Variants in KLRG1 observed in about 807,000 individuals in gnomAD.
KLRG1 encodes killer cell lectin like receptor G1.
KLRG1 carries 16 observed loss-of-function variants against 21.8 expected under a neutral mutation model. The ratio of observed to expected loss-of-function variants is 0.73; its 90% CI spans 0.50 to 1.11. The LOEUF (loss-of-function observed/expected upper bound fraction) is 1.11, where lower values mean the gene tolerates loss of function less well. Among genes scored for constraint, KLRG1 ranks in the 50% most tolerant of loss-of-function variants. The pLI, the probability that KLRG1 is intolerant of heterozygous loss-of-function variation, is 0.00. For missense variants in KLRG1, 173 were observed against 218.3 expected, an observed-to-expected ratio of 0.79 and a Z score of 1.31; for synonymous variants, 69 against 75.9, an observed-to-expected ratio of 0.91 and a Z score of 0.47.
chr12:9,106,828 A>G, the KLRG1 span, among the ~76,000 whole-genome samples: 4 of 152,190 alleles, frequency 2.6e-5, no homozygotes. Flanking sequence ...TTCCCTAGAT[A>G]TATTGCGATA....
the KLRG1 span, chr12:9,079,469 A>G: frequency 8.8e-7 from 1 of 1,131,918 alleles, no homozygotes. Context: ...CTGAGCCTTA[A>G]ATATTTTATT....
chr12:9,129,714 CTT>C, the KLRG1 span, among the ~76,000 whole-genome samples: 277 of 152,046 alleles, frequency 1.8e-3, 1 homozygote, highest in African/African-American at 5.8e-3. Context: ...CGCCCGGCTA[CTT>C]TTTTTGTATT....
chr12:9,084,674 A>G, the KLRG1 span, among the ~76,000 whole-genome samples: 2 of 152,194 alleles, frequency 1.3e-5, no homozygotes, highest in Non-Finnish European at 2.9e-5. Context: ...AGTCATTTTT[A>G]AATTAATAAT....
the KLRG1 span, chr12:9,160,379 T>C: frequency 1.2e-6 from 2 of 1,614,062 alleles, no homozygotes; most frequent in East Asian, 2.2e-5. Context: ...TTCATTCAGA[T>C]AGTTCAAGAC....
the KLRG1 span, among the ~76,000 whole-genome samples, chr12:9,025,749 A>G: frequency 6.6e-6 from 1 of 152,232 alleles, no homozygotes; most frequent in African/African-American, 2.4e-5. Flanking sequence ...AACCTTGGGT[A>G]GAAAGAGTGC....
chr12:9,020,722 A>G, the KLRG1 span, among the ~76,000 whole-genome samples: 1 of 152,186 alleles, frequency 6.6e-6, no homozygotes, highest in Non-Finnish European at 1.5e-5. Flanking sequence ...GCTGTTATGA[A>G]CATTTGGATA....
chr12:9,176,508 AAAAAT>A, the KLRG1 span, among the ~76,000 whole-genome samples: 1 of 152,248 alleles, frequency 6.6e-6, no homozygotes, highest in Non-Finnish European at 1.5e-5. Flanking sequence ...TATTCAAAAT[AAAAAT>A]AAAAGAACCA....
At chr12:9,057,272 T>C in the KLRG1 span, among the ~76,000 whole-genome samples, 4 of 152,196 alleles carry the variant, frequency 2.6e-5, no homozygotes, top group Admixed American at 6.5e-5. Context: ...GGAGGTCAAA[T>C]ACTTCACATT....
the KLRG1 span, chr12:9,194,004 G>A: frequency 1.4e-5 from 19 of 1,364,616 alleles, no homozygotes; most frequent in African/African-American, 2.5e-4. Flanking sequence ...AATGCAATCT[G>A]TACATTTCTT....
At chr12:9,130,887 G>C in the KLRG1 span, among the ~76,000 whole-genome samples, 2 of 152,064 alleles carry the variant, frequency 1.3e-5, no homozygotes, top group Non-Finnish European at 2.9e-5. Flanking sequence ...CCCATGTCAT[G>C]AGATTATCCT....
chr12:8,960,052 C>A (rs568028220), intron 1 of KLRG1, among the ~76,000 whole-genome samples: 2 of 152,094 alleles, frequency 1.3e-5, no homozygotes, highest in Non-Finnish European at 2.9e-5. Flanking sequence ...AAACAACTGG[C>A]AAACTGGGAA....
chr12:9,163,193 A>G, the KLRG1 span, among the ~76,000 whole-genome samples: 1 of 151,536 alleles, frequency 6.6e-6, no homozygotes, highest in East Asian at 1.9e-4. Flanking sequence ...ATTGCGCTCA[A>G]TGTAATCCCA....
chr12:9,168,877 T>C, the KLRG1 span: 1 of 1,612,330 alleles, frequency 6.2e-7, no homozygotes, highest in Non-Finnish European at 8.5e-7. Context: ...ACCTCCATAG[T>C]ATCCTTGACC....
At chr12:9,021,633 A>G in the KLRG1 span, among the ~76,000 whole-genome samples, 1 of 152,044 alleles carries the variant, frequency 6.6e-6, no homozygotes, top group African/African-American at 2.4e-5. Context: ...GCAGTTGTAC[A>G]AAATATTTTT....
At chr12:8,982,916 G>A (rs1056131975) in intron 1 of KLRG1, among the ~76,000 whole-genome samples, 11 of 151,982 alleles carry the variant, frequency 7.2e-5, no homozygotes, top group African/African-American at 2.7e-4. Flanking sequence ...AAAGTTCTGG[G>A]ATTACAGGTG....
At chr12:9,162,611 A>C in the KLRG1 span, 1 of 1,595,266 alleles carries the variant, frequency 6.3e-7, no homozygotes, top group East Asian at 2.2e-5. Flanking sequence ...GGCACAGGTC[A>C]TAGAACTGAA....
At chr12:9,040,615 A>C in the KLRG1 span, among the ~76,000 whole-genome samples, 1 of 152,224 alleles carries the variant, frequency 6.6e-6, no homozygotes, top group Non-Finnish European at 1.5e-5. Flanking sequence ...ATTCTTCTGA[A>C]TCACTTTCAG....
At chr12:9,215,134 C>T in the KLRG1 span, among the ~76,000 whole-genome samples, 1 of 151,922 alleles carries the variant, frequency 6.6e-6, no homozygotes, top group African/African-American at 2.4e-5. Flanking sequence ...AAATTAATCT[C>T]ATTATGAAGC....
chr12:9,077,294 GT>G, the KLRG1 span: 2 of 1,517,534 alleles, frequency 1.3e-6, no homozygotes, highest in Non-Finnish European at 1.8e-6. Context: ...CAGGTCAGCA[GT>G]TTCATTGCAT....
Sources: allele counts gnomAD v4.1 joint callset (sites outside exome capture counted in the v4.1 genomes callset), GRCh38; gene constraint gnomAD v4.1.1; transcripts MANE v1.5; gene names NCBI Gene and HGNC (gene_info 2026-07-23, HGNC 2026-07-21).